The following RBM20 variants were observed in gnomAD, a reference collection of about 807,000 sequenced individuals.
RBM20 encodes RNA-binding protein 20.
A neutral mutation model predicts 110.1 loss-of-function variants in RBM20; 51 were observed. That is an observed-to-expected ratio of 0.46 (90% CI 0.37 to 0.59). The LOEUF is 0.59. Among genes scored for constraint, RBM20 ranks in the 20% least tolerant of loss-of-function variants. The probability of loss-of-function intolerance (pLI) is 0.00; values close to 1 mark genes in which losing one functional copy is unlikely to be tolerated. For missense variants in RBM20, 1,512 were observed against 1,574.9 expected (o/e 0.96, Z 0.68); for synonymous variants, 589 against 618.2 (o/e 0.95, Z 0.70).
At chr10:110,761,977 C>T (rs571187119) in intron 1 of RBM20, among the ~76,000 whole-genome samples, 14 of 152,200 alleles carry the variant, frequency 9.2e-5, no homozygotes, top group South Asian at 2.1e-4. Context: ...GAGGTCGAGG[C>T]CTGCGGATCA....
intron 5 of RBM20, among the ~76,000 whole-genome samples, chr10:110,786,810 C>T (rs1455022951): frequency 6.6e-6 from 1 of 152,170 alleles, no homozygotes; most frequent in South Asian, 2.1e-4. Context: ...ACTGTGACCA[C>T]GATGGGGGAG....
intron 1 of RBM20, among the ~76,000 whole-genome samples, chr10:110,715,014 G>A (rs541854582): frequency 1.2e-3 from 185 of 152,322 alleles, no homozygotes; most frequent in African/African-American, 3.0e-3. Context: ...TTGGGAGGTC[G>A]AGGCAGGCAG....
intron 7 of RBM20, among the ~76,000 whole-genome samples, chr10:110,803,436 T>G (rs1042436852): frequency 8.5e-5 from 13 of 152,232 alleles, no homozygotes; most frequent in Admixed American, 6.5e-5. Context: ...CAAGCTTCAG[T>G]GTGCATACAG....
intron 1 of RBM20, among the ~76,000 whole-genome samples, chr10:110,676,483 T>C (rs573346524): frequency 6.6e-6 from 1 of 152,398 alleles, no homozygotes; most frequent in South Asian, 2.1e-4. Flanking sequence ...GATGAAATGC[T>C]AATTCTAACT....
intron 7 of RBM20, among the ~76,000 whole-genome samples, chr10:110,809,486 T>C (rs1261140938): frequency 2.0e-5 from 3 of 152,168 alleles, no homozygotes; most frequent in Non-Finnish European, 4.4e-5. Context: ...TATGAATTTC[T>C]TTTTAAAAAT....
chr10:110,794,515 T>C (rs1373941144), intron 5 of RBM20, among the ~76,000 whole-genome samples: 1 of 152,242 alleles, frequency 6.6e-6, no homozygotes, highest in Non-Finnish European at 1.5e-5. Flanking sequence ...CTGAAGAAGC[T>C]ACTCATGATC....
rs1322756011 is a variant in RBM20, at chr10:110,821,777, A to G, written c.3158A>G (p.Glu1053Gly). 1 of 1,551,766 alleles carries G rather than the reference A, an allele frequency of 6.4e-7. No individual in the cohort carries two copies. ...VQQMSSPKPA[E>G]ERARQPSPFV... The stretch of plus-strand genomic sequence containing the variant: ...CAAATGTCTTCCCCTAAGCCAGCAG[A>G]GGAGAGGGCCCGGCAGCCAAGCCCA... The change falls in exon 11 of 14, where the codon GAG becomes GGG. Residue 1053 changes from glutamate to glycine, a missense_variant. By Grantham distance (98) the Glu-to-Gly change is moderately conservative. Coordinates refer to ENST00000369519, the MANE Select transcript of RBM20 (RefSeq NM_001134363.3).
At chr10:110,764,258 G>A (rs1453954511) in intron 1 of RBM20, among the ~76,000 whole-genome samples, 1 of 135,920 alleles carries the variant, frequency 7.4e-6, no homozygotes, top group African/African-American at 2.7e-5. Context: ...AAAACCCAGA[G>A]TAAAAAGCAA....
chr10:110,809,218 T>TAAAAAAA (rs60697105), intron 7 of RBM20, among the ~76,000 whole-genome samples: 2,793 of 60,712 alleles, frequency 0.046, 268 homozygotes, highest in Middle Eastern at 0.1. Flanking sequence ...CCCCGTTTCT[T>TAAAAAAA]AAAAAAAAAA....
At chr10:110,746,570 C>G (rs1417632) in intron 1 of RBM20, among the ~76,000 whole-genome samples, 123,988 of 152,096 alleles carry the variant, frequency 0.82, 50,974 homozygotes, top group African/African-American at 0.86. Flanking sequence ...CAGTCGACCC[C>G]GAGTATTTCA....
intron 1 of RBM20, among the ~76,000 whole-genome samples, chr10:110,692,970 A>G (rs1249985374): frequency 6.6e-6 from 1 of 152,124 alleles, no homozygotes; most frequent in Non-Finnish European, 1.5e-5. Flanking sequence ...TTATTGTCAT[A>G]AAAAGGTGTT....
At chr10:110,709,089 C>T (rs377547409) in intron 1 of RBM20, among the ~76,000 whole-genome samples, 2 of 152,142 alleles carry the variant, frequency 1.3e-5, no homozygotes. Flanking sequence ...GCAGGTCAGA[C>T]GTGTTGCTGT....
intron 1 of RBM20, among the ~76,000 whole-genome samples, chr10:110,679,359 G>A (rs1322356139): frequency 6.6e-6 from 1 of 152,058 alleles, no homozygotes; most frequent in Non-Finnish European, 1.5e-5. Context: ...GAGTAGCTGG[G>A]ACTATAGGCA....
intron 1 of RBM20, among the ~76,000 whole-genome samples, chr10:110,709,719 A>G (rs1165012224): frequency 6.6e-6 from 1 of 151,716 alleles, no homozygotes; most frequent in Non-Finnish European, 1.5e-5. Flanking sequence ...GGCGTGTGCC[A>G]CCATGCCTGG....
chr10:110,693,292 G>A (rs1348053342), intron 1 of RBM20, among the ~76,000 whole-genome samples: 1 of 152,136 alleles, frequency 6.6e-6, no homozygotes, highest in African/African-American at 2.4e-5. Flanking sequence ...TGTAGGAAAT[G>A]TTTTCTTCTC....
intron 12 of RBM20, among the ~76,000 whole-genome samples, chr10:110,826,261 T>C (rs1489824230): frequency 6.6e-6 from 1 of 152,190 alleles, no homozygotes; most frequent in Non-Finnish European, 1.5e-5. Context: ...TGAGTTATAA[T>C]GGATATAAAG....
chr10:110,704,401 A>G (rs951223988), intron 1 of RBM20, among the ~76,000 whole-genome samples: 1 of 152,216 alleles, frequency 6.6e-6, no homozygotes, highest in African/African-American at 2.4e-5. Context: ...TTTCTCTGGG[A>G]AAAATGCCTA....
At chr10:110,812,256 C>A (rs1375379140) in intron 8 of RBM20, 22 bp from the exon 9 acceptor site, 2 of 1,522,612 alleles carry the variant, frequency 1.3e-6, no homozygotes, top group Non-Finnish European at 8.8e-7. Flanking sequence ...ATTCTAAATC[C>A]TGCTCCTTGG....
At chr10:110,754,312 G>A (rs1843895654) in intron 1 of RBM20, among the ~76,000 whole-genome samples, 1 of 152,078 alleles carries the variant, frequency 6.6e-6, no homozygotes, top group Non-Finnish European at 1.5e-5. Context: ...ACTACGATGG[G>A]TCTAGGTGTA....
Sources: allele counts gnomAD v4.1 joint callset (sites outside exome capture counted in the v4.1 genomes callset), GRCh38; gene constraint gnomAD v4.1.1; transcripts MANE v1.5; gene names NCBI Gene and HGNC (gene_info 2026-07-23, HGNC 2026-07-21).